The following EXOC8 variants were observed in gnomAD, a reference collection of about 807,000 sequenced individuals.
The protein encoded by EXOC8 is exocyst complex component 8.
Under a neutral mutation model 50.8 loss-of-function variants are expected in EXOC8, and 19 were observed. The observed-to-expected ratio is 0.37, with a 90% CI of 0.26 to 0.55. The LOEUF is 0.55. Ranked by LOEUF, EXOC8 falls within the 20% of genes least tolerant of loss-of-function variation. EXOC8 has a pLI of 0.80. For synonymous variants in EXOC8, 384 were observed against 367.9 expected (o/e 1.04, Z -0.50); for missense variants, 781 against 915.8 (o/e 0.85, Z 1.90).
In EXOC8 at chr1:231,337,348, AGGT is replaced by A. The variant is rs1686704891; in HGVS notation, c.395_397del (p.His132del). ...GGAGAAAAAGCCGGCCTGGCCTCGG[AGGT>A]GGTCTCGGCCCCCCGCCCCACCGAC... is the stretch of plus-strand genomic sequence containing the variant. On this transcript the variant is annotated inframe_deletion, in exon 1 of 1. Transcript: ENST00000366645. The surrounding 1 kb of genome is among the most constrained non-coding windows in gnomAD (Gnocchi z 5.9). 6.2e-7 allele frequency: 1 copy of A among 1,602,056 alleles called. No individual in the cohort carries two copies. Among genetic ancestry groups the A allele is most frequent in the African/African-American group, 1.3e-5 (1 of 74,964 alleles).
chr1:231,335,753 C>G lies in EXOC8; in HGVS notation c.1993G>C (p.Glu665Gln), dbSNP rs760818357. The G allele has an allele frequency of 1.5e-5, 25 of 1,614,066 alleles. No homozygotes were observed. Among genetic ancestry groups the G allele is most frequent in the Non-Finnish European group, 2.1e-5 (25 of 1,180,042 alleles). The change falls in exon 1 of 1, where the codon GAG becomes CAG. Residue 665 changes from glutamate (E) to glutamine (Q), a missense_variant. Glu to Gln is a conservative substitution (Grantham distance 29, BLOSUM62 2). Transcript: ENST00000366645. ...VQHVDYSLRC[E>Q]QDPEKKAFIR... ...AAAGCTTTCTTCTCTGGATCCTGCTCACATCGAAGACTATAATCCACATGC... is the reference window on the plus strand; with the variant it reads ...AAAGCTTTCTTCTCTGGATCCTGCTGACATCGAAGACTATAATCCACATGC...
rs764766498 is a variant in EXOC8 at position 231,336,156 on chromosome 1, C to T, written c.1590G>A (p.Gln530=). 1 of 1,614,174 alleles carries T rather than the reference C, an allele frequency of 6.2e-7. No homozygotes were observed. Among genetic ancestry groups the T allele is most frequent in the Middle Eastern group, 1.6e-4 (1 of 6,062 alleles). ...GATCCAGTCCGATATCACCCAGTTG[C>T]TGGCAATGCTCCTTAGCCACTTTTA... ...ECVKVAKEHC[Q]QLGDIGLDLT... The change falls in exon 1 of 1, where the codon CAG becomes CAA. Residue 530 remains glutamine (Q), a synonymous_variant. Transcript: ENST00000366645. This position sits in a 1 kb window ranked among gnomAD's most constrained non-coding sequence, Gnocchi z 5.4.
Position 231,336,255 on chromosome 1 carries a change from C to T in EXOC8, c.1491G>A (p.Met497Ile). The T allele has an allele frequency of 1.2e-6, 2 of 1,614,076 alleles. No homozygotes were observed. The highest frequency in any genetic ancestry group is 1.7e-6 in the Non-Finnish European group (2 of 1,180,036). ...SAFVVWARSA[M>I]GMFVDAFSKQ... is the part of the protein sequence containing the mutation. ...TGCTAAAAGCATCCACGAACATGCC[C>T]ATGGCTGATCTTGCCCAGACCACAA... The change falls in exon 1 of 1, where the codon ATG (methionine) becomes ATA (isoleucine). Residue 497 changes from methionine (M) to isoleucine (I), a missense_variant. This residue lies in a region of EXOC8 where 700 missense variants were observed against 804.1 expected (regional missense o/e 0.87). Coordinates refer to ENST00000366645, the MANE Select transcript of EXOC8 (RefSeq NM_175876.5). The surrounding 1 kb of genome is among the most constrained non-coding windows in gnomAD (Gnocchi z 5.4).
rs1656780401 is a variant in EXOC8, at chr1:231,334,401, T to C, written c.*1167A>G. 2 of 152,218 alleles carry C rather than the reference T, an allele frequency of 1.3e-5. No homozygotes were observed. The highest frequency in any genetic ancestry group is 2.9e-5 in the Non-Finnish European group (2 of 68,038). 9.4% of individuals were successfully genotyped at this position (152,218 alleles called of 1,614,324 possible). ...ATTTCAGTTAAAACTTTTTTTCCAT[T>C]TGCATGAAGTCTGGGTCACTATATC... On this transcript the variant is annotated 3_prime_UTR_variant, in exon 1 of 1. Coordinates refer to ENST00000366645, the MANE Select transcript of EXOC8 (RefSeq NM_175876.5).
At position 231,335,745 on chromosome 1, in the gene EXOC8, A is replaced by G. The variant is rs1213554902; in HGVS notation, c.2001T>C (p.Asp667=). The G allele has an allele frequency of 6.2e-6, 10 of 1,614,180 alleles. No homozygotes were observed. The highest frequency in any genetic ancestry group is 7.6e-6 in the Non-Finnish European group (9 of 1,180,040). Residue 667 remains aspartate (D), a synonymous_variant, in exon 1 of 1, where the codon GAT becomes GAC. Transcript: ENST00000366645. ...GTCTGATAAAAGCTTTCTTCTCTGG[A>G]TCCTGCTCACATCGAAGACTATAAT... ...HVDYSLRCEQ[D]PEKKAFIRQN...
chr1:231,336,178 T>G lies in EXOC8; in HGVS notation c.1568A>C (p.Lys523Thr). The G allele has an allele frequency of 6.2e-7, 1 of 1,614,128 alleles. No individual in the cohort carries two copies. The highest frequency in any genetic ancestry group is 1.6e-4 in the Middle Eastern group (1 of 6,062). ...ESLSTAAECVKVAKEHCQQLG... is the reference protein window; with the variant it reads ...ESLSTAAECVTVAKEHCQQLG... ...TTGCTGGCAATGCTCCTTAGCCACT[T>G]TTACACACTCAGCTGCTGTAGAGAG... Residue 523 changes from lysine (K) to threonine (T), a missense_variant, in exon 1 of 1, where the codon AAA becomes ACA. Coordinates refer to ENST00000366645, the MANE Select transcript of EXOC8 (RefSeq NM_175876.5). The surrounding 1 kb of genome is among the most constrained non-coding windows in gnomAD (Gnocchi z 5.4).
At position 231,335,992 on chromosome 1, in the gene EXOC8, G is replaced by A. The variant is rs1247072997; in HGVS notation, c.1754C>T (p.Ala585Val). The A allele has an allele frequency of 6.2e-7, 1 of 1,614,188 alleles. No homozygotes were observed. The highest frequency in any genetic ancestry group is 1.1e-5 in the South Asian group (1 of 91,084). Residue 585 changes from alanine (A) to valine (V), a missense_variant, in exon 1 of 1, where the codon GCC becomes GTC. Transcript: ENST00000366645. ...CATCTCTTCTTTGAGCTTACCCAGG[G>A]CTTCTGGCGTCATCAAGTTCATCCT... ...WRRMNLMTPE[A>V]LGKLKEEMKS... is the part of the protein sequence containing the mutation.
rs1295356911 is a variant in EXOC8, at chr1:231,334,622, T to C, written c.*946A>G. The C allele has an allele frequency of 6.6e-6, 1 of 152,232 alleles. No homozygotes were observed. 9.4% of individuals were successfully genotyped at this position (152,232 alleles called of 1,614,324 possible). The stretch of plus-strand genomic sequence containing the variant: ...AAAACTTTTATTATAGTCCTTAGGA[T>C]TTCCAAGTAAATGCTCCCAAATCAA... On this transcript the variant is annotated 3_prime_UTR_variant, in exon 1 of 1. Transcript: ENST00000366645.
In EXOC8 at chr1:231,335,513, AAAT is replaced by A; in HGVS notation, c.*52_*54del. Reference sequence around the variant, plus strand: ...TGCTAATACAACTTAATATAAATATAAATAATATATAAGCTCTCTCTCTGCATA... The same window carrying A: ...TGCTAATACAACTTAATATAAATATAAATATATAAGCTCTCTCTCTGCATA... On this transcript the variant is annotated 3_prime_UTR_variant, in exon 1 of 1. Transcript: ENST00000366645. 7 of 1,355,714 alleles carry A rather than the reference AAAT, an allele frequency of 5.2e-6. No individual in the cohort carries two copies. Among genetic ancestry groups the A allele is most frequent in the Non-Finnish European group, 6.7e-6 (7 of 1,043,324 alleles). The allele number at this position is 1,355,714 out of a possible 1,614,324, so 84.0% of individuals were successfully genotyped here.
At position 231,333,037 on chromosome 1, in the gene EXOC8, T is replaced by G. The variant is rs1027617441; in HGVS notation, c.*2531A>C. The G allele has an allele frequency of 6.6e-6, 1 of 152,226 alleles. No homozygotes were observed. Among genetic ancestry groups the G allele is most frequent in the Non-Finnish European group, 1.5e-5 (1 of 68,040 alleles). 9.4% of individuals were successfully genotyped at this position (152,226 alleles called of 1,614,324 possible). Reference sequence around the variant, plus strand: ...AGGTGTCTTTTTTCCCCAAGAGTAATTAATTCAATCAAGCCCATGATTCCA... The same window carrying G: ...AGGTGTCTTTTTTCCCCAAGAGTAAGTAATTCAATCAAGCCCATGATTCCA... On this transcript the variant is annotated 3_prime_UTR_variant, in exon 1 of 1. Transcript: ENST00000366645.
At position 231,336,127 on chromosome 1, in the gene EXOC8, G is replaced by T. The variant is rs1249522924; in HGVS notation, c.1619C>A (p.Thr540Asn). ...CACCAGAAGGGCATGGATGATGAAG[G>T]TGAGATCCAGTCCGATATCACCCAG... is the stretch of plus-strand genomic sequence containing the variant. ...QQLGDIGLDL[T>N]FIIHALLVKD... The change falls in exon 1 of 1, where the codon ACC (threonine) becomes AAC (asparagine). Residue 540 changes from threonine (T) to asparagine (N), a missense_variant. This residue lies in a region of EXOC8 where 700 missense variants were observed against 804.1 expected (regional missense o/e 0.87). Transcript: ENST00000366645. This position sits in a 1 kb window ranked among gnomAD's most constrained non-coding sequence, Gnocchi z 5.4. 1.2e-6 allele frequency: 2 copies of T among 1,614,180 alleles called. No individual in the cohort carries two copies. The highest frequency in any genetic ancestry group is 1.7e-6 in the Non-Finnish European group (2 of 1,180,042).
At position 231,334,736 on chromosome 1, in the gene EXOC8, T is replaced by G. The variant is rs1416583153; in HGVS notation, c.*832A>C. 6.6e-6 allele frequency: 1 copy of G among 152,236 alleles called. No homozygotes were observed. The highest frequency in any genetic ancestry group is 1.5e-5 in the Non-Finnish European group (1 of 68,040). The allele number at this position is 152,236 out of a possible 1,614,324, so 9.4% of individuals were successfully genotyped here. A position where few individuals can be genotyped will look rare whatever the true frequency, so the allele number is the denominator to read the frequency against. ...TTTGCTGAATTGTTTTTATGAAAGC[T>G]TCCTCTTGGATTCTGTAAGGATCAG... is the stretch of plus-strand genomic sequence containing the variant. On this transcript the variant is annotated 3_prime_UTR_variant, in exon 1 of 1. Coordinates refer to ENST00000366645, the MANE Select transcript of EXOC8 (RefSeq NM_175876.5).
In EXOC8 at chr1:231,336,113, C is replaced by A. The variant is rs1380799402; in HGVS notation, c.1633G>T (p.Ala545Ser). 6.2e-7 allele frequency: 1 copy of A among 1,614,184 alleles called. No homozygotes were observed. Among genetic ancestry groups the A allele is most frequent in the Admixed American group, 1.7e-5 (1 of 60,032 alleles). ...CCTTGGATGTCTTTCACCAGAAGGG[C>A]ATGGATGATGAAGGTGAGATCCAGT... Reference protein sequence around the residue: ...IGLDLTFIIHALLVKDIQGAL... With the variant: ...IGLDLTFIIHSLLVKDIQGAL... The change falls in exon 1 of 1, where the codon GCC becomes TCC. Residue 545 changes from alanine to serine, a missense_variant. Physicochemically the swap from Ala to Ser is moderately conservative, Grantham distance 99. This residue lies in a region of EXOC8 where 700 missense variants were observed against 804.1 expected (regional missense o/e 0.87). Transcript: ENST00000366645. The surrounding 1 kb of genome is among the most constrained non-coding windows in gnomAD (Gnocchi z 5.4).
Position 231,336,320 on chromosome 1 carries a change from T to C in EXOC8, c.1426A>G (p.Ile476Val). The C allele has an allele frequency of 6.2e-7, 1 of 1,613,942 alleles. No individual in the cohort carries two copies. Among genetic ancestry groups the C allele is most frequent in the Non-Finnish European group, 8.5e-7 (1 of 1,179,950 alleles). Residue 476 changes from isoleucine (I) to valine (V), a missense_variant, in exon 1 of 1, where the codon ATC becomes GTC. Physicochemically the swap from Ile to Val is conservative, Grantham distance 29 (BLOSUM62 3). Coordinates refer to ENST00000366645, the MANE Select transcript of EXOC8 (RefSeq NM_175876.5). The surrounding 1 kb of genome is among the most constrained non-coding windows in gnomAD (Gnocchi z 5.4). ...CCGCTGTCAGTGCCTGCAAAATCGA[T>C]CTCAAATTCTCTTGCAGTCTCGAGA... is the stretch of plus-strand genomic sequence containing the variant. ...SLLETAREFE[I>V]DFAGTDSGCY...
At position 231,336,639 on chromosome 1, in the gene EXOC8, A is replaced by C. The variant is rs1250661123; in HGVS notation, c.1107T>G (p.Asp369Glu). The change falls in exon 1 of 1, where the codon GAT becomes GAG. Residue 369 changes from aspartate to glutamate, a missense_variant. Asp to Glu is a conservative substitution (Grantham distance 45). This residue lies in a region of EXOC8 where 700 missense variants were observed against 804.1 expected (regional missense o/e 0.87). Transcript: ENST00000366645. The surrounding 1 kb of genome is among the most constrained non-coding windows in gnomAD (Gnocchi z 5.4). ...LLDKLNHYLE[D>E]KPSPPPVKEL... Reference sequence around the variant, plus strand: ...CTTTTACAGGAGGTGGGCTAGGTTTATCTTCCAGGTAATGGTTCAATTTAT... The same window carrying C: ...CTTTTACAGGAGGTGGGCTAGGTTTCTCTTCCAGGTAATGGTTCAATTTAT... The C allele has an allele frequency of 6.2e-7, 1 of 1,614,036 alleles. No homozygotes were observed. Among genetic ancestry groups the C allele is most frequent in the African/African-American group, 1.3e-5 (1 of 74,908 alleles).
Position 231,336,795 on chromosome 1 carries a change from T to C in EXOC8, c.951A>G (p.Glu317=), listed in dbSNP as rs537536815. The change falls in exon 1 of 1, where the codon GAA becomes GAG. Residue 317 remains glutamate (E), a synonymous_variant. Transcript: ENST00000366645. The surrounding 1 kb of genome is among the most constrained non-coding windows in gnomAD (Gnocchi z 5.4). ...KATNPFEDDE[E]EEPAVPEVEE... The stretch of plus-strand genomic sequence containing the variant: ...CTACCTCAGGAACAGCTGGTTCTTC[T>C]TCTTCGTCATCCTCAAATGGGTTAG... 1 of 1,614,194 alleles carries C rather than the reference T, an allele frequency of 6.2e-7. No individual in the cohort carries two copies. The highest frequency in any genetic ancestry group is 1.1e-5 in the South Asian group (1 of 91,082).
In EXOC8 at chr1:231,336,623, G is replaced by T. The variant is rs760494680; in HGVS notation, c.1123C>A (p.Pro375Thr). Reference sequence around the variant, plus strand: ...ACTTTGGCCCTTAGTTCTTTTACAGGAGGTGGGCTAGGTTTATCTTCCAGG... The same window carrying T: ...ACTTTGGCCCTTAGTTCTTTTACAGTAGGTGGGCTAGGTTTATCTTCCAGG... ...HYLEDKPSPP[P>T]VKELRAKVEE... The change falls in exon 1 of 1, where the codon CCT (proline) becomes ACT (threonine). Residue 375 changes from proline (P) to threonine (T), a missense_variant. Pro to Thr is a conservative substitution (Grantham distance 38, BLOSUM62 -1). Transcript: ENST00000366645. This position sits in a 1 kb window ranked among gnomAD's most constrained non-coding sequence, Gnocchi z 5.4. 3.7e-6 allele frequency: 6 copies of T among 1,614,036 alleles called. No homozygotes were observed. Among genetic ancestry groups the T allele is most frequent in the Non-Finnish European group, 5.1e-6 (6 of 1,180,032 alleles).
At position 231,336,772 on chromosome 1, in the gene EXOC8, A is replaced by G; in HGVS notation, c.974T>C (p.Val325Ala). ...DEEEEPAVPEVEEEKVDLSME... is the reference protein window; with the variant it reads ...DEEEEPAVPEAEEEKVDLSME... Reference sequence around the variant, plus strand: ...GGAGAGGTCCACCTTCTCTTCCTCTACCTCAGGAACAGCTGGTTCTTCTTC... The same window carrying G: ...GGAGAGGTCCACCTTCTCTTCCTCTGCCTCAGGAACAGCTGGTTCTTCTTC... The change falls in exon 1 of 1, where the codon GTA becomes GCA. Residue 325 changes from valine (V) to alanine (A), a missense_variant. Physicochemically the swap from Val to Ala is moderately conservative, Grantham distance 64 (BLOSUM62 0). Around this residue, in one of 3 missense-constraint regions of EXOC8, gnomAD observed 700 missense variants for 804.1 expected, o/e 0.87. Transcript: ENST00000366645. The surrounding 1 kb of genome is among the most constrained non-coding windows in gnomAD (Gnocchi z 5.4). The G allele has an allele frequency of 6.2e-7, 1 of 1,613,898 alleles. No homozygotes were observed. Among genetic ancestry groups the G allele is most frequent in the Non-Finnish European group, 8.5e-7 (1 of 1,179,968 alleles).
rs141863406 is a variant in EXOC8, at chr1:231,336,827, T to C, written c.919A>G (p.Lys307Glu). 4.0e-5 allele frequency: 65 copies of C among 1,614,060 alleles called. No individual in the cohort carries two copies. Among genetic ancestry groups the C allele is most frequent in the Non-Finnish European group, 5.3e-5 (62 of 1,180,050 alleles). ...TCATCCTCAAATGGGTTAGTGGCCT[T>C]GGAAGTCACTTGGGGTGGCCCTCGA... ...APRGPPQVTS[K>E]ATNPFEDDEE... The change falls in exon 1 of 1, where the codon AAG (lysine) becomes GAG (glutamate). Residue 307 changes from lysine (K) to glutamate (E), a missense_variant. Lys to Glu is a moderately conservative substitution (Grantham distance 56, BLOSUM62 1). Transcript: ENST00000366645. This position sits in a 1 kb window ranked among gnomAD's most constrained non-coding sequence, Gnocchi z 5.4.
Sources: gnomAD v4.1 joint callset for allele counts on GRCh38, gnomAD v4.1.1 for gene constraint, gnomAD v4.1.1 regional missense constraint, Gnocchi (gnomAD v3.1) non-coding constraint, MANE v1.5 for transcripts, NCBI Gene and HGNC (gene_info 2026-07-23, HGNC 2026-07-21) for gene names.